The following RUNX1T1 variants were observed in gnomAD, a reference collection of about 807,000 sequenced individuals.
RUNX1T1 encodes the protein protein CBFA2T1.
Under a neutral mutation model 62.8 loss-of-function variants are expected in RUNX1T1, and 4 were observed. The ratio of observed to expected loss-of-function variants is 0.06; its 90% confidence interval spans 0.03 to 0.15. The LOEUF is 0.15. Ranked by LOEUF, RUNX1T1 falls within the 10% of genes least tolerant of loss-of-function variation. The probability of loss-of-function intolerance (pLI) is 1.00; values close to 1 mark genes in which losing one functional copy is unlikely to be tolerated. For missense variants in RUNX1T1, 508 were observed against 754.3 expected (o/e 0.67, Z 3.82); for synonymous variants, 291 against 286.0 (o/e 1.02, Z -0.18).
intron 5 of RUNX1T1, among the ~76,000 whole-genome samples, chr8:91,997,928 G>C (rs1819018579): frequency 6.6e-6 from 1 of 152,154 alleles, no homozygotes; most frequent in African/African-American, 2.4e-5. Context: ...GAAGTCTGGA[G>C]ACTTACTTTA....
chr8:91,994,479 G>A (rs910191021), intron 5 of RUNX1T1: 11 of 383,434 alleles, frequency 2.9e-5, no homozygotes, highest in Non-Finnish European at 5.2e-5. Context: ...TGCTAACACA[G>A]CACCTACCTT....
At chr8:92,014,801 A>C in exon 3 of RUNX1T1, 1 of 1,611,726 alleles carries the variant, frequency 6.2e-7, no homozygotes, top group Non-Finnish European at 8.5e-7. Flanking sequence ...CTGTAGGAGA[A>C]TGGCTCGTGC....
In RUNX1T1 at chr8:92,077,130, A is replaced by G. The variant is rs529549318; in HGVS notation, c.-85-993T>C. On this transcript the variant is annotated intron_variant, in intron 1 of 11. Coordinates refer to the RUNX1T1 transcript ENST00000265814. The stretch of plus-strand genomic sequence containing the variant: ...ACAAGCAGGTTCTATTTTTTAAAAA[A>G]TCAATGTAGTTTATGTGCCACATTA... 9.2e-5 allele frequency among the ~76,000 whole-genome samples: 14 copies of G among 152,242 alleles called. No individual in the cohort carries two copies. The East Asian group carries it at 2.7e-3, about 29-fold the overall frequency.
intron 1 of RUNX1T1, among the ~76,000 whole-genome samples, chr8:92,022,003 A>C (rs1824194793): frequency 6.6e-6 from 1 of 151,496 alleles, no homozygotes; most frequent in Admixed American, 6.6e-5. Context: ...CAGCCATATC[A>C]CATTACCTCT....
chr8:92,083,639 A>T (rs1213899376), intron 1 of RUNX1T1, among the ~76,000 whole-genome samples: 1 of 152,224 alleles, frequency 6.6e-6, no homozygotes, highest in African/African-American at 2.4e-5. Flanking sequence ...GAATACTTTT[A>T]CACTGTTGGT....
Position 91,967,655 on chromosome 8 carries a change from G to A in RUNX1T1, c.1458+3003C>T, listed in dbSNP as rs140165388. Among the ~76,000 whole-genome samples the A allele has an allele frequency of 2.1e-3, 326 of 152,276 alleles. 2 individuals are homozygous for A. The highest frequency in any genetic ancestry group is 7.2e-3 in the African/African-American group (301 of 41,556). ...GGTATCTAGAGTTAACACAAATAGC[G>A]CAGAAGAAACATAAATGGCCAAGCT... On this transcript the variant is annotated intron_variant, in intron 10 of 10. Coordinates refer to ENST00000396218, the Ensembl canonical transcript of RUNX1T1.
At chr8:92,041,205 G>C (rs1828378189) in intron 1 of RUNX1T1, among the ~76,000 whole-genome samples, 1 of 150,912 alleles carries the variant, frequency 6.6e-6, no homozygotes. Context: ...TTGTCCCACA[G>C]CAAATGAACA....
At chr8:92,033,548 G>A (rs1023305531) in intron 1 of RUNX1T1, among the ~76,000 whole-genome samples, 16 of 152,156 alleles carry the variant, frequency 1.1e-4, no homozygotes, top group Admixed American at 1.3e-4. Context: ...ACTTTCGGAC[G>A]GTGAGGCGGG....
At chr8:92,056,201 C>T (rs1831007671) in intron 1 of RUNX1T1, among the ~76,000 whole-genome samples, 1 of 152,136 alleles carries the variant, frequency 6.6e-6, no homozygotes, top group Non-Finnish European at 1.5e-5. Flanking sequence ...CTCAAAAGCA[C>T]AGCAATTGTC....
chr8:92,087,588 T>C (rs930263633), intron 1 of RUNX1T1, among the ~76,000 whole-genome samples: 1 of 152,162 alleles, frequency 6.6e-6, no homozygotes, highest in Non-Finnish European at 1.5e-5. Flanking sequence ...ACGATCTATG[T>C]AGCTATTTAA....
upstream of RUNX1T1, among the ~76,000 whole-genome samples, chr8:92,066,389 T>C (rs1320147064): frequency 1.3e-5 from 2 of 152,122 alleles, no homozygotes; most frequent in Admixed American, 6.5e-5. Flanking sequence ...TATGGGCGAG[T>C]GGTAAAAAAT....
intron 10 of RUNX1T1, among the ~76,000 whole-genome samples, chr8:91,961,501 G>T (rs1260156924): frequency 3.3e-5 from 5 of 152,164 alleles, no homozygotes; most frequent in Non-Finnish European, 4.4e-5. Context: ...TGCAAGACAT[G>T]AGAAAAGTGG....
chr8:91,978,538 C>A (rs2130735714), intron 8 of RUNX1T1, among the ~76,000 whole-genome samples: 1 of 152,198 alleles, frequency 6.6e-6, no homozygotes, highest in South Asian at 2.1e-4. Flanking sequence ...GAGAACAAAG[C>A]CATTGAAGAA....
chr8:92,102,083 G>A (rs1186328930), upstream of RUNX1T1, among the ~76,000 whole-genome samples: 1 of 152,224 alleles, frequency 6.6e-6, no homozygotes, highest in African/African-American at 2.4e-5. The surrounding 1 kb of genome is among the most constrained non-coding windows in gnomAD (Gnocchi z 4.5). Flanking sequence ...GGGCCGCGAC[G>A]GGAACACCCA....
chr8:92,003,747 A>G (rs1313987178), intron 5 of RUNX1T1, among the ~76,000 whole-genome samples: 1 of 152,232 alleles, frequency 6.6e-6, no homozygotes, highest in African/African-American at 2.4e-5. Context: ...TCATGTGGAC[A>G]TGCCACTCAG....
chr8:92,056,363 A>C (rs1831033432), intron 1 of RUNX1T1, among the ~76,000 whole-genome samples: 1 of 152,212 alleles, frequency 6.6e-6, no homozygotes, highest in Non-Finnish European at 1.5e-5. Flanking sequence ...CATTTCACCT[A>C]GCTGATTATA....
chr8:91,978,752 TA>T (rs1434581772), intron 8 of RUNX1T1, among the ~76,000 whole-genome samples: 1 of 152,152 alleles, frequency 6.6e-6, no homozygotes, highest in African/African-American at 2.4e-5. Context: ...ACTCAAATAT[TA>T]ACGTGCCAGG....
At chr8:92,008,931 T>A (rs1821401490) in intron 4 of RUNX1T1, among the ~76,000 whole-genome samples, 1 of 152,234 alleles carries the variant, frequency 6.6e-6, no homozygotes, top group African/African-American at 2.4e-5. Flanking sequence ...AGATGCTGTA[T>A]CTATGACTGC....
intron 1 of RUNX1T1, among the ~76,000 whole-genome samples, chr8:92,028,086 G>A (rs1361085716): frequency 1.1e-5 from 1 of 93,376 alleles, no homozygotes; most frequent in Non-Finnish European, 2.0e-5. Context: ...TGGGGGGGGG[G>A]GTGGGAAGGA....
Sources: gnomAD v4.1 joint callset for allele counts (sites outside exome capture counted in the v4.1 genomes callset) on GRCh38, gnomAD v4.1.1 for gene constraint, Gnocchi (gnomAD v3.1) non-coding constraint, MANE v1.5 for transcripts, NCBI Gene and HGNC (gene_info 2026-07-23, HGNC 2026-07-21) for gene names.